PPP1CC: variants seen among roughly 807,000 people sequenced by gnomAD.
PPP1CC encodes the protein serine/threonine-protein phosphatase PP1-gamma catalytic subunit.
A neutral mutation model predicts 38.4 loss-of-function variants in PPP1CC; 16 were observed. The observed-to-expected ratio is 0.42, with a 90% CI of 0.28 to 0.63. The LOEUF (loss-of-function observed/expected upper bound fraction) is 0.63. Ranked by LOEUF, PPP1CC falls within the 30% of genes least tolerant of loss-of-function variation. The probability of loss-of-function intolerance (pLI) is 0.25; values close to 1 mark genes in which losing one functional copy is unlikely to be tolerated. For missense variants in PPP1CC, 170 were observed against 391.3 expected (o/e 0.43, Z 4.77); for synonymous variants, 158 against 136.0 (o/e 1.16, Z -1.13).
At chr12:110,708,467 C>G in the PPP1CC span, among the ~76,000 whole-genome samples, 2 of 152,186 alleles carry the variant, frequency 1.3e-5, no homozygotes, top group Non-Finnish European at 2.9e-5. Flanking sequence ...ATCTCCATTA[C>G]TCTTGGCAAA....
In PPP1CC at chr12:110,742,672, A is replaced by C; in HGVS notation, c.36T>G (p.Ile12Met). ...CCTTACCTTCCAGCAGCCGTTGGAT[A>C]ATGCTGTCGATGTTGAGTTTATCTA... ...ADLDKLNIDSIIQRLLEVRGS... is the reference protein window; with the variant it reads ...ADLDKLNIDSMIQRLLEVRGS... The change falls in exon 1 of 7, where the codon ATT (isoleucine) becomes ATG (methionine). Residue 12 changes from isoleucine (I) to methionine (M), a missense_variant. Physicochemically the swap from Ile to Met is conservative, Grantham distance 10. Around this residue, in one of 3 missense-constraint regions of PPP1CC, gnomAD observed 30 missense variants for 23.0 expected, o/e 1.30. Transcript: ENST00000335007. 1 of 1,475,398 alleles carries C rather than the reference A, an allele frequency of 6.8e-7. No homozygotes were observed. The highest frequency in any genetic ancestry group is 1.4e-5 in the South Asian group (1 of 71,932). 91.4% of individuals were successfully genotyped at this position (1,475,398 alleles called of 1,614,324 possible). A position where few individuals can be genotyped will look rare whatever the true frequency, so the allele number is the denominator to read the frequency against.
chr12:110,718,533 TGCAAA>T (rs578226781), downstream of PPP1CC, among the ~76,000 whole-genome samples: 103 of 152,294 alleles, frequency 6.8e-4, no homozygotes, highest in African/African-American at 2.4e-3. Context: ...TGGTATCAGG[TGCAAA>T]GCAAAGCAAA....
chr12:110,735,835 C>T (rs962130807), intron 1 of PPP1CC, among the ~76,000 whole-genome samples: 27 of 147,508 alleles, frequency 1.8e-4, no homozygotes, highest in Non-Finnish European at 2.2e-4. Flanking sequence ...GAGTCCGAAG[C>T]GGGCGGATCA....
the PPP1CC span, among the ~76,000 whole-genome samples, chr12:110,712,240 T>C: frequency 3.9e-5 from 6 of 152,046 alleles, no homozygotes; most frequent in Admixed American, 2.0e-4. Context: ...CCTAATGACA[T>C]ACTTCTCACA....
chr12:110,712,666 A>AGG, the PPP1CC span, among the ~76,000 whole-genome samples: 243 of 112,272 alleles, frequency 2.2e-3, 7 homozygotes, highest in African/African-American at 7.7e-3. Context: ...AAAAAAAAAA[A>AGG]GGGGGGGCAC....
In PPP1CC at chr12:110,722,687, G is replaced by T; in HGVS notation, c.532C>A (p.Pro178Thr). The T allele has an allele frequency of 6.2e-7, 1 of 1,605,396 alleles. No individual in the cohort carries two copies. ...KIFCCHGGLS[P>T]DLQSMEQIRR... ...ATCTGCTCCATAGATTGAAGATCTG[G>T]TGATAAACCTATTCAATGAGGAAAA... The change falls in exon 5 of 7, where the codon CCA becomes ACA. Residue 178 changes from proline to threonine, a missense_variant. Coordinates refer to ENST00000335007, the MANE Select transcript of PPP1CC (RefSeq NM_002710.4). This position sits in a 1 kb window ranked among gnomAD's most constrained non-coding sequence, Gnocchi z 5.4.
intron 3 of PPP1CC, among the ~76,000 whole-genome samples, chr12:110,729,192 C>CTT (rs1026282471): frequency 0.013 from 1,572 of 120,238 alleles, 77 homozygotes; most frequent in African/African-American, 0.034. Flanking sequence ...ATTTTCAAAG[C>CTT]TTTTTTTTTT....
rs1442692235 is a variant in PPP1CC at position 110,734,562 on chromosome 12, C to T, written c.56-2661G>A. 2.0e-5 allele frequency among the ~76,000 whole-genome samples: 3 copies of T among 152,226 alleles called. No homozygotes were observed. In the East Asian group the frequency reaches 5.8e-4, roughly 29 times the overall value. On this transcript the variant is annotated intron_variant, in intron 1 of 6. Coordinates refer to ENST00000335007, the MANE Select transcript of PPP1CC (RefSeq NM_002710.4). ...TTCTCCATATTGGTCAGGCTGGTCT[C>T]GAACTCCCGACCTCAGGTGATCCAC... is the stretch of plus-strand genomic sequence containing the variant.
chr12:110,742,799 G>T lies in PPP1CC; in HGVS notation c.-92C>A. 9.0e-7 allele frequency: 1 copy of T among 1,112,752 alleles called. No homozygotes were observed. The highest frequency in any genetic ancestry group is 1.2e-6 in the Non-Finnish European group (1 of 856,168). 68.9% of individuals were successfully genotyped at this position (1,112,752 alleles called of 1,614,324 possible). ...CTTTCCCACGCCACGAGCAGAGGCG[G>T]TGGTGGCGGCGGTGGCAGCAGCCGC... On this transcript the variant is annotated 5_prime_UTR_variant, in exon 1 of 7. Coordinates refer to ENST00000335007, the MANE Select transcript of PPP1CC (RefSeq NM_002710.4).
chr12:110,732,573 G>A (rs948211552), intron 1 of PPP1CC: 4 of 152,028 alleles, frequency 2.6e-5, no homozygotes, highest in African/African-American at 9.7e-5. Context: ...GAAAATGTTG[G>A]TTCATTGTAC....
At chr12:110,737,578 A>T (rs556961773) in intron 1 of PPP1CC, among the ~76,000 whole-genome samples, 6 of 150,452 alleles carry the variant, frequency 4.0e-5, no homozygotes, top group Non-Finnish European at 7.4e-5. Context: ...TCTGATTATC[A>T]CAATTGTTTC....
Position 110,742,734 on chromosome 12 carries a change from A to AGCG in PPP1CC, c.-30_-28dup, listed in dbSNP as rs1267115687. ...GCCTTCCCACCGCCGACCCTCCCGC[A>AGCG]GCGGCGCCGCCGCCGGCTCGCGCCC... On this transcript the variant is annotated 5_prime_UTR_variant, in exon 1 of 7. Transcript: ENST00000335007. 7.2e-7 allele frequency: 1 copy of AGCG among 1,391,748 alleles called. No homozygotes were observed. The highest frequency in any genetic ancestry group is 9.4e-7 in the Non-Finnish European group (1 of 1,061,094). The allele number at this position is 1,391,748 out of a possible 1,614,324, so 86.2% of individuals were successfully genotyped here.
At chr12:110,721,887 A>G (rs909387777) in intron 6 of PPP1CC, 14 of 486,534 alleles carry the variant, frequency 2.9e-5, no homozygotes, top group African/African-American at 2.4e-4. Context: ...TAAAAGAGCC[A>G]TAAGCATTAA....
rs1213284873 is a variant in PPP1CC at position 110,742,826 on chromosome 12, G to A, written c.-119C>T. The A allele has an allele frequency of 1.3e-6, 1 of 787,762 alleles. No homozygotes were observed. Among genetic ancestry groups the A allele is most frequent in the Non-Finnish European group, 1.8e-6 (1 of 564,502 alleles). The allele number at this position is 787,762 out of a possible 1,614,324, so 48.8% of individuals were successfully genotyped here. A position where few individuals can be genotyped will look rare whatever the true frequency, so the allele number is the denominator to read the frequency against. On this transcript the variant is annotated 5_prime_UTR_variant, in exon 1 of 7. Transcript: ENST00000335007. ...GGTGGCGGCGGTGGCAGCAGCCGCG[G>A]CGGGTCCCCCCCCTGCCACCCCGCT...
chr12:110,728,854 G>A (rs1248694803), intron 3 of PPP1CC, among the ~76,000 whole-genome samples: 1 of 152,154 alleles, frequency 6.6e-6, no homozygotes, highest in East Asian at 1.9e-4. Context: ...GGGAAAGGGT[G>A]GTAGTAGAAG....
At chr12:110,740,213 A>G (rs983034099) in intron 1 of PPP1CC, among the ~76,000 whole-genome samples, 14 of 152,214 alleles carry the variant, frequency 9.2e-5, no homozygotes, top group African/African-American at 3.1e-4. Flanking sequence ...GGCCAAAGTC[A>G]CAAGTCATAT....
intron 3 of PPP1CC, among the ~76,000 whole-genome samples, chr12:110,728,397 C>CAAAAAAA (rs1234259790): frequency 2.5e-3 from 193 of 78,094 alleles, no homozygotes; most frequent in Middle Eastern, 8.6e-3. Flanking sequence ...GACTCCGTCT[C>CAAAAAAA]AAAAAAAAAA....
At chr12:110,741,483 T>C (rs2070016657) in intron 1 of PPP1CC, among the ~76,000 whole-genome samples, 1 of 152,210 alleles carries the variant, frequency 6.6e-6, no homozygotes, top group Non-Finnish European at 1.5e-5. Flanking sequence ...GATAAGATGT[T>C]AGCATCCGTT....
At chr12:110,737,465 CAAAG>C (rs1566088314) in intron 1 of PPP1CC, among the ~76,000 whole-genome samples, 1 of 9,748 alleles carries the variant, frequency 1.0e-4, no homozygotes, top group African/African-American at 5.0e-4. Context: ...GCCTGGGTGA[CAAAG>C]AAAGACTCAA....
Sources: allele counts gnomAD v4.1 joint callset (sites outside exome capture counted in the v4.1 genomes callset), GRCh38; gene constraint gnomAD v4.1.1; regional missense constraint gnomAD v4.1.1; non-coding constraint Gnocchi (gnomAD v3.1); transcripts MANE v1.5; gene names NCBI Gene and HGNC (gene_info 2026-07-23, HGNC 2026-07-21).